PDE1C: variants seen among roughly 807,000 people sequenced by gnomAD.
PDE1C encodes the protein dual specificity calcium/calmodulin-dependent 3',5'-cyclic nucleotide phosphodiesterase 1C.
Under a neutral mutation model 93.1 loss-of-function variants are expected in PDE1C, and 62 were observed. The ratio of observed to expected loss-of-function variants is 0.67; its 90% CI spans 0.54 to 0.82. The LOEUF is 0.82. PDE1C is among the 40% of genes least tolerant of loss of function. The pLI is 0.00. For synonymous variants in PDE1C, 325 were observed against 310.1 expected (o/e 1.05, Z -0.50); for missense variants, 742 against 884.6 (o/e 0.84, Z 2.04).
intron 2 of PDE1C, among the ~76,000 whole-genome samples, chr7:31,899,203 C>A (rs1387030731): frequency 6.9e-6 from 1 of 145,566 alleles, no homozygotes; most frequent in Admixed American, 7.2e-5. Flanking sequence ...CAGTGGCGCA[C>A]TCTTGGCTCA....
rs759791638 is a variant in PDE1C, at chr7:32,274,110, C to T, written c.85+24541G>A. 5.3e-5 allele frequency among the ~76,000 whole-genome samples: 8 copies of T among 152,050 alleles called. 1 individual carries two copies. The East Asian group carries it at 1.5e-3, about 29-fold the overall frequency. ...GGGGTCTTAGAAACATCTAGTATAA[C>T]CTCTCAAACATTTTTAGCAGTAGAA... On this transcript the variant is annotated intron_variant, in intron 1 of 18. Coordinates refer to the PDE1C transcript ENST00000396193.
downstream of PDE1C, among the ~76,000 whole-genome samples, chr7:31,749,190 T>C (rs1794067587): frequency 6.6e-6 from 1 of 152,084 alleles, no homozygotes; most frequent in African/African-American, 2.4e-5. Flanking sequence ...ATTTGCATTC[T>C]CTAAGCACCT....
intron 2 of PDE1C, among the ~76,000 whole-genome samples, chr7:31,951,048 C>T (rs936319118): frequency 2.0e-5 from 3 of 152,160 alleles, no homozygotes; most frequent in Admixed American, 6.5e-5. Flanking sequence ...CACCTTCTCA[C>T]GGTGTCCTCA....
In PDE1C at chr7:31,797,580, T is replaced by C. The variant is rs190674267; in HGVS notation, c.1891+11451A>G. Among the ~76,000 whole-genome samples the C allele has an allele frequency of 8.7e-4, 132 of 151,878 alleles. 1 individual carries two copies. The highest frequency in any genetic ancestry group is 1.5e-3 in the Non-Finnish European group (100 of 67,796). ...TAGAAGAGATTCAAAGTTATTGCTA[T>C]GGCAACACTATCTTGGGTGTGAGAG... On this transcript the variant is annotated intron_variant, in intron 16 of 17. Coordinates refer to ENST00000396191, the MANE Select transcript of PDE1C (RefSeq NM_001191057.4).
chr7:31,761,049 C>T (rs150723465), intron 17 of PDE1C, among the ~76,000 whole-genome samples: 668 of 48,496 alleles, frequency 0.014, 6 homozygotes, highest in African/African-American at 0.05. Context: ...TTTCAGGAAC[C>T]GCTGTGGTAA....
intron 3 of PDE1C, among the ~76,000 whole-genome samples, chr7:32,090,624 G>A (rs1478950059): frequency 6.6e-6 from 1 of 152,150 alleles, no homozygotes; most frequent in East Asian, 1.9e-4. Context: ...GAAACCCCAC[G>A]GTTTGGATCA....
At chr7:32,208,320 T>G (rs1805756001) in intron 2 of PDE1C, among the ~76,000 whole-genome samples, 2 of 152,146 alleles carry the variant, frequency 1.3e-5, no homozygotes, top group Admixed American at 1.3e-4. Context: ...CACTCAGACC[T>G]AGTCAACCCT....
chr7:31,760,301 G>T (rs2128606418), intron 17 of PDE1C, among the ~76,000 whole-genome samples: 1 of 152,256 alleles, frequency 6.6e-6, no homozygotes, highest in East Asian at 1.9e-4. Context: ...TCAGAAAAAT[G>T]GAATTAATTT....
intron 2 of PDE1C, among the ~76,000 whole-genome samples, chr7:31,936,295 C>T (rs1366518557): frequency 2.6e-5 from 4 of 152,052 alleles, no homozygotes; most frequent in Non-Finnish European, 5.9e-5. Flanking sequence ...TCTACCACAC[C>T]CAAACTGCAT....
intron 1 of PDE1C, among the ~76,000 whole-genome samples, chr7:32,380,438 G>C (rs1050876365): frequency 5.4e-5 from 8 of 146,860 alleles, no homozygotes; most frequent in Non-Finnish European, 1.2e-4. Context: ...AGTAGAGACA[G>C]GGTTCCACAT....
intron 7 of PDE1C, among the ~76,000 whole-genome samples, chr7:31,851,094 ACACACAT>A (rs1454162363): frequency 0.079 from 295 of 3,736 alleles, 4 homozygotes; most frequent in Middle Eastern, 0.5. Flanking sequence ...ACACACACAC[ACACACAT>A]AAAAAAATTA....
chr7:32,078,266 G>C (rs1000099194), intron 3 of PDE1C, among the ~76,000 whole-genome samples: 1 of 152,188 alleles, frequency 6.6e-6, no homozygotes, highest in African/African-American at 2.4e-5. Flanking sequence ...CACCACACAA[G>C]TTGGCAGCAG....
the PDE1C span, among the ~76,000 whole-genome samples, chr7:31,676,624 T>A: frequency 1.3e-5 from 2 of 152,124 alleles, no homozygotes; most frequent in Non-Finnish European, 2.9e-5. Flanking sequence ...TGTGTATAAT[T>A]AATTTCTAAC....
chr7:32,357,650 T>C (rs1414821687), intron 1 of PDE1C, among the ~76,000 whole-genome samples: 1 of 152,172 alleles, frequency 6.6e-6, no homozygotes, highest in East Asian at 1.9e-4. Context: ...TCAAACTCAC[T>C]GTAACAAGCC....
chr7:31,815,823 GC>G (rs1788176511), intron 15 of PDE1C, 100 bp downstream of exon 15: 3 of 865,408 alleles, frequency 3.5e-6, no homozygotes, highest in South Asian at 3.0e-5. Context: ...GGGAAGCCTT[GC>G]CCTGTGAGCT....
At chr7:32,238,678 T>C (rs1364901810) in intron 1 of PDE1C, among the ~76,000 whole-genome samples, 3 of 152,196 alleles carry the variant, frequency 2.0e-5, no homozygotes, top group African/African-American at 7.2e-5. Context: ...ATTAAGACAA[T>C]GTTTTTATTG....
At chr7:31,673,357 G>A in the PDE1C span, among the ~76,000 whole-genome samples, 1 of 151,930 alleles carries the variant, frequency 6.6e-6, no homozygotes, top group African/African-American at 2.4e-5. Context: ...CAGAAGTTGA[G>A]GGTCAGAATT....
intron 7 of PDE1C, among the ~76,000 whole-genome samples, chr7:31,864,051 C>T (rs918398401): frequency 6.6e-6 from 1 of 152,076 alleles, no homozygotes; most frequent in African/African-American, 2.4e-5. Context: ...ATCTTAATGC[C>T]AATTCTAAAG....
chr7:31,935,707 G>T (rs1804956309), intron 2 of PDE1C, among the ~76,000 whole-genome samples: 2 of 152,142 alleles, frequency 1.3e-5, no homozygotes, highest in South Asian at 4.1e-4. Flanking sequence ...ATAAATTAAA[G>T]TTAGGATGCA....
Sources: allele counts gnomAD v4.1 joint callset (sites outside exome capture counted in the v4.1 genomes callset), GRCh38; gene constraint gnomAD v4.1.1; transcripts MANE v1.5; gene names NCBI Gene and HGNC (gene_info 2026-07-23, HGNC 2026-07-21).